Variants in ARHGEF10 observed in about 807,000 individuals in gnomAD.
ARHGEF10 encodes Rho guanine nucleotide exchange factor (GEF) 10.
A neutral mutation model predicts 147.4 loss-of-function variants in ARHGEF10; 140 were observed. The ratio of observed to expected loss-of-function variants is 0.95; its 90% CI spans 0.83 to 1.09. The LOEUF (loss-of-function observed/expected upper bound fraction) is 1.09, where lower values mean the gene tolerates loss of function less well. ARHGEF10 is among the 50% of genes least tolerant of loss of function. ARHGEF10 has a pLI of 0.00. For missense variants in ARHGEF10, 2,222 were observed against 1,752.7 expected, an observed-to-expected ratio of 1.27 and a Z score of -4.78; for synonymous variants, 902 against 695.8, an observed-to-expected ratio of 1.30 and a Z score of -4.67.
chr8:1,943,229 C>T (rs1270812604), intron 26 of ARHGEF10, among the ~76,000 whole-genome samples: 1 of 152,162 alleles, frequency 6.6e-6, no homozygotes, highest in Admixed American at 6.5e-5. Context: ...TTTCTTTTTC[C>T]CTATTTTTCT....
At chr8:1,833,112 AGGCAGAGAGAGACAGAG>A (rs1803335962) in intron 1 of ARHGEF10, among the ~76,000 whole-genome samples, 1 of 135,438 alleles carries the variant, frequency 7.4e-6, no homozygotes, top group Admixed American at 7.3e-5. Flanking sequence ...ACAGAGACAG[AGGCAGAGAGAGACAGAG>A]GCAGAGGCAG....
chr8:1,854,339 G>C (rs1651271731), intron 2 of ARHGEF10, among the ~76,000 whole-genome samples: 1 of 152,220 alleles, frequency 6.6e-6, no homozygotes, highest in Non-Finnish European at 1.5e-5. Context: ...GCCCGCCGTG[G>C]GCACAGCTGT....
intron 5 of ARHGEF10, among the ~76,000 whole-genome samples, chr8:1,864,692 C>T (rs149179849): frequency 3.9e-5 from 6 of 152,366 alleles, no homozygotes; most frequent in South Asian, 2.1e-4. Flanking sequence ...GCCCTTGTCA[C>T]GGCCCTGCTG....
chr8:1,912,267 A>T (rs1447395066), intron 18 of ARHGEF10, among the ~76,000 whole-genome samples: 1 of 145,140 alleles, frequency 6.9e-6, no homozygotes, highest in African/African-American at 2.6e-5. Context: ...GCCGTGCGGT[A>T]TTAGACTCAG....
intron 14 of ARHGEF10, among the ~76,000 whole-genome samples, chr8:1,897,542 C>A (rs979102236): frequency 6.7e-5 from 10 of 149,688 alleles, no homozygotes; most frequent in Admixed American, 6.7e-4. Context: ...GATCGCAGTT[C>A]CCCCTCTGGA....
intron 26 of ARHGEF10, among the ~76,000 whole-genome samples, chr8:1,934,279 A>G (rs1813388443): frequency 6.8e-6 from 1 of 147,312 alleles, no homozygotes; most frequent in South Asian, 2.2e-4. Flanking sequence ...ACTTGAGCCC[A>G]GGAGGTCCAG....
intron 1 of ARHGEF10, among the ~76,000 whole-genome samples, chr8:1,840,056 G>T (rs1803895513): frequency 1.5e-5 from 2 of 135,224 alleles, no homozygotes; most frequent in South Asian, 5.2e-4. Context: ...CCGATATGGG[G>T]ACTGTCTGGT....
intron 2 of ARHGEF10, among the ~76,000 whole-genome samples, chr8:1,853,054 GCTGGCGGGTGGTTAGATTTGGGCCGGGCA>G (rs59426827): frequency 0.13 from 20,334 of 151,958 alleles, 1,677 homozygotes; most frequent in African/African-American, 0.23. Context: ...TGGGCCGGGC[GCTGGCGGGTGGTTAGATTTGGGCCGGGCA>G]CTGGCGGGTG....
At chr8:1,951,568 G>T (rs1815052129) in intron 27 of ARHGEF10, among the ~76,000 whole-genome samples, 1 of 152,200 alleles carries the variant, frequency 6.6e-6, no homozygotes, top group South Asian at 2.1e-4. Context: ...CTGGTGTGAG[G>T]TTGTTTTTCA....
intron 18 of ARHGEF10, among the ~76,000 whole-genome samples, chr8:1,921,696 T>G (rs1812300650): frequency 6.6e-6 from 1 of 151,740 alleles, no homozygotes; most frequent in Non-Finnish European, 1.5e-5. Flanking sequence ...GATCGTGCCA[T>G]CGCACTGCAG....
chr8:1,837,880 G>A (rs1204775700), intron 1 of ARHGEF10, among the ~76,000 whole-genome samples: 1 of 152,180 alleles, frequency 6.6e-6, no homozygotes, highest in Non-Finnish European at 1.5e-5. Context: ...TCCTCATGGT[G>A]AGTCAAGGTG....
chr8:1,888,803 C>T lies in ARHGEF10; in HGVS notation c.1182+3096C>T, dbSNP rs1181853191. Among the ~76,000 whole-genome samples, 11 of 58,884 alleles carry T rather than the reference C, an allele frequency of 1.9e-4. 2 individuals are homozygous for T. The highest frequency in any genetic ancestry group is 9.5e-4 in the African/African-American group (10 of 10,544). 38.6% of individuals were successfully genotyped at this position (58,884 alleles called of 152,430 possible). ...GAGTGGGGTGAGTATTGTGAGGAGACACTGAGTGGGGTGAGAGTTATGAGG... is the reference window on the plus strand; with the variant it reads ...GAGTGGGGTGAGTATTGTGAGGAGATACTGAGTGGGGTGAGAGTTATGAGG... On this transcript the variant is annotated intron_variant, in intron 11 of 28. Transcript: ENST00000349830.
chr8:1,865,742 A>T (rs775867429), intron 5 of ARHGEF10, among the ~76,000 whole-genome samples: 1 of 152,138 alleles, frequency 6.6e-6, no homozygotes, highest in Admixed American at 6.5e-5. Context: ...GACCCTTCCC[A>T]TAGGAACATT....
rs562896709 is a variant in ARHGEF10, at chr8:1,921,101, A to G, written c.2144-1863A>G. Among the ~76,000 whole-genome samples, 8 of 152,300 alleles carry G rather than the reference A, an allele frequency of 5.3e-5. No homozygotes were observed. In the South Asian group the frequency reaches 1.7e-3, roughly 32 times the overall value. ...ATGCCTGGCCGCTCCCTTTGTTACG[A>G]AACTTCATGATACTTCAAATGCAGT... On this transcript the variant is annotated intron_variant, in intron 18 of 28. Transcript: ENST00000349830.
intron 5 of ARHGEF10, among the ~76,000 whole-genome samples, chr8:1,866,174 C>T (rs908418616): frequency 1.3e-5 from 2 of 152,050 alleles, no homozygotes; most frequent in African/African-American, 2.4e-5. Context: ...TCCCACCCAG[C>T]GTTGTGAGCA....
intron 6 of ARHGEF10, among the ~76,000 whole-genome samples, chr8:1,868,246 G>T (rs1178689099): frequency 6.6e-6 from 1 of 152,202 alleles, no homozygotes; most frequent in Non-Finnish European, 1.5e-5. Context: ...CTGCTAGTGT[G>T]GGGACAGGAG....
At chr8:1,907,956 C>T (rs1011039341) in intron 17 of ARHGEF10, among the ~76,000 whole-genome samples, 7 of 152,174 alleles carry the variant, frequency 4.6e-5, no homozygotes, top group Non-Finnish European at 1.0e-4. Flanking sequence ...GAGGAGGAAT[C>T]GGAATTTTGG....
At chr8:1,944,702 G>C (rs1394795580) in intron 26 of ARHGEF10, among the ~76,000 whole-genome samples, 1 of 152,222 alleles carries the variant, frequency 6.6e-6, no homozygotes, top group African/African-American at 2.4e-5. Flanking sequence ...AGAGCTGTGA[G>C]GCTGCTGGTT....
At chr8:1,911,695 A>T (rs890226738) in intron 18 of ARHGEF10, among the ~76,000 whole-genome samples, 2 of 152,136 alleles carry the variant, frequency 1.3e-5, no homozygotes, top group Admixed American at 6.5e-5. Context: ...GAGTGGGTCT[A>T]TGTGGTATCA....
Sources: allele counts gnomAD v4.1 joint callset (sites outside exome capture counted in the v4.1 genomes callset), GRCh38; gene constraint gnomAD v4.1.1; transcripts MANE v1.5; gene names NCBI Gene and HGNC (gene_info 2026-07-23, HGNC 2026-07-21).